SVEP1: variants seen among roughly 807,000 people sequenced by gnomAD.
SVEP1 encodes sushi, von Willebrand factor type A, EGF and pentraxin domain containing 1.
SVEP1 carries 164 observed loss-of-function variants against 367.3 expected under a neutral mutation model. That is an observed-to-expected ratio of 0.45 (90% confidence interval 0.39 to 0.51). SVEP1 has a LOEUF of 0.51. Among genes scored for constraint, SVEP1 ranks in the 20% least tolerant of loss-of-function variants. The pLI, the probability that SVEP1 is intolerant of heterozygous loss-of-function variation, is 0.00. For missense variants in SVEP1, 4,117 were observed against 4,425.3 expected (o/e 0.93, Z 1.98); for synonymous variants, 1,666 against 1,611.6 (o/e 1.03, Z -0.81).
chr9:110,462,732 A>T (rs1038511883), intron 18 of SVEP1, among the ~76,000 whole-genome samples: 5 of 151,788 alleles, frequency 3.3e-5, no homozygotes, highest in African/African-American at 1.2e-4. Context: ...AGACAGAGAG[A>T]GAGAGAGAAA....
At chr9:110,369,613 A>G (rs1275901638) in intron 47 of SVEP1, 1 of 219,200 alleles carries the variant, frequency 4.6e-6, no homozygotes, top group Admixed American at 5.7e-5. Context: ...ATGCTTCACA[A>G]ATTTGTGTGT....
At chr9:110,543,062 T>C (rs1830173130) in intron 3 of SVEP1, among the ~76,000 whole-genome samples, 1 of 151,676 alleles carries the variant, frequency 6.6e-6, no homozygotes, top group South Asian at 2.1e-4. Context: ...CTAAGATTTC[T>C]TTCTGCCTTT....
intron 39 of SVEP1, among the ~76,000 whole-genome samples, chr9:110,403,971 C>T (rs1827912390): frequency 6.6e-6 from 1 of 151,722 alleles, no homozygotes; most frequent in African/African-American, 2.4e-5. Context: ...TATCTGTCTG[C>T]TTCTGCAAAC....
intron 2 of SVEP1, among the ~76,000 whole-genome samples, chr9:110,548,436 T>G (rs1390246280): frequency 6.6e-6 from 1 of 152,196 alleles, no homozygotes; most frequent in Non-Finnish European, 1.5e-5. Flanking sequence ...CATCCCTTTA[T>G]ATGTATTAAC....
Position 110,435,278 on chromosome 9 carries a change from C to T in SVEP1, c.4851G>A (p.Gly1617=). 6.2e-7 allele frequency: 1 copy of T among 1,613,472 alleles called. No individual in the cohort carries two copies. The highest frequency in any genetic ancestry group is 8.5e-7 in the Non-Finnish European group (1 of 1,179,504). ...TGCTCTTAGAATCGATCTTCACTTT[C>T]CCCACAATTCCTGACAAGAAATCAG... The part of the protein sequence containing the change: ...AWPDFLSGIV[G]KVKIDSKSIF... The change falls in exon 29 of 48, where the codon GGG becomes GGA. Residue 1617 remains glycine (G), a synonymous_variant. Coordinates refer to ENST00000374469, the MANE Select transcript of SVEP1 (RefSeq NM_153366.4).
intron 47 of SVEP1, 132 bp downstream of exon 47, chr9:110,369,791 C>CA (rs2118934635): frequency 1.4e-6 from 1 of 701,938 alleles, no homozygotes; most frequent in South Asian, 2.2e-5. Flanking sequence ...GAGCCTGTCT[C>CA]AAAATGGATG....
intron 32 of SVEP1, among the ~76,000 whole-genome samples, chr9:110,431,529 A>G (rs1828348968): frequency 6.6e-6 from 1 of 152,214 alleles, no homozygotes; most frequent in Non-Finnish European, 1.5e-5. Flanking sequence ...ATATAATTTT[A>G]TGTGACTGAG....
At chr9:110,368,673 A>G (rs1189090622) in intron 47 of SVEP1, among the ~76,000 whole-genome samples, 4 of 152,096 alleles carry the variant, frequency 2.6e-5, no homozygotes, top group Non-Finnish European at 5.9e-5. Flanking sequence ...TTTTTGAGTC[A>G]CTGTTTTTTC....
chr9:110,399,742 C>T (rs1827827353), intron 40 of SVEP1, among the ~76,000 whole-genome samples: 1 of 152,088 alleles, frequency 6.6e-6, no homozygotes, highest in Admixed American at 6.6e-5. Flanking sequence ...CTATGTTGCC[C>T]AGCCTGGTCT....
rs762787283 is a variant in SVEP1 at position 110,451,316 on chromosome 9, G to A, written c.3874C>T (p.Arg1292Cys). ...GICVDGVAGY[R>C]CTCVKGFVGL... ...ACAAATCCTTTCACACATGTGCAAC[G>A]ATAGCCAGCCACACCATCAACACAG... is the stretch of plus-strand genomic sequence containing the variant. The change falls in exon 23 of 48, where the codon CGT becomes TGT. Residue 1292 changes from arginine (R) to cysteine (C), a missense_variant. By Grantham distance (180) the Arg-to-Cys change is radical. Coordinates refer to ENST00000374469, the MANE Select transcript of SVEP1 (RefSeq NM_153366.4). 13 of 1,613,552 alleles carry A rather than the reference G, an allele frequency of 8.1e-6. No homozygotes were observed. The highest frequency in any genetic ancestry group is 2.7e-5 in the African/African-American group (2 of 74,870).
chr9:110,398,412 C>G (rs1827803583), intron 40 of SVEP1, among the ~76,000 whole-genome samples: 1 of 152,134 alleles, frequency 6.6e-6, no homozygotes, highest in Non-Finnish European at 1.5e-5. Flanking sequence ...TTAGGCAATA[C>G]CATTCAGGAC....
In SVEP1 at chr9:110,407,314, C is replaced by G. The variant is rs776676322; in HGVS notation, c.8286G>C (p.Lys2762Asn). The part of the protein sequence containing the change: ...SDLRLCLENR[K>N]WSGASPRCEA... ...CACAGCGTGGGGAGGCACCACTCCA[C>G]TTTCTATTCTCTAGACAAAGCCTTA... Residue 2762 changes from lysine to asparagine, a missense_variant, in exon 38 of 48, where the codon AAG becomes AAC. Lys to Asn is a moderately conservative substitution (Grantham distance 94, BLOSUM62 0). This residue lies in a region of SVEP1 where 1,765 missense variants were observed against 1,781.1 expected (regional missense o/e 0.99). Transcript: ENST00000374469. 3.2e-5 allele frequency: 52 copies of G among 1,613,888 alleles called. 1 individual carries two copies. The South Asian group carries it at 5.7e-4, about 18-fold the overall frequency.
chr9:110,458,262 C>G, intron 20 of SVEP1: 1 of 616,184 alleles, frequency 1.6e-6, no homozygotes, highest in East Asian at 2.9e-5. Context: ...GGGAAAAACT[C>G]TCATTTTTGG....
chr9:110,379,841 G>C (rs1827407712), intron 43 of SVEP1, among the ~76,000 whole-genome samples: 1 of 152,152 alleles, frequency 6.6e-6, no homozygotes, highest in South Asian at 2.1e-4. Context: ...TTCAAAACAG[G>C]ATGCTTATTA....
intron 40 of SVEP1, among the ~76,000 whole-genome samples, chr9:110,398,246 A>T (rs756601275): frequency 2.0e-5 from 3 of 152,182 alleles, no homozygotes; most frequent in African/African-American, 7.2e-5. Flanking sequence ...TGGGGAAAGG[A>T]TTCCCTATTT....
chr9:110,383,904 C>G (rs73655333), intron 43 of SVEP1, among the ~76,000 whole-genome samples: 5 of 151,972 alleles, frequency 3.3e-5, no homozygotes, highest in African/African-American at 1.2e-4. Flanking sequence ...AGCTGCTGTG[C>G]TGCACTATGG....
intron 17 of SVEP1, among the ~76,000 whole-genome samples, chr9:110,466,692 C>T (rs866344308): frequency 2.3e-5 from 3 of 128,024 alleles, no homozygotes; most frequent in Non-Finnish European, 3.2e-5. Flanking sequence ...ACCCGGGAGG[C>T]GGAGCTTGCA....
intron 5 of SVEP1, among the ~76,000 whole-genome samples, chr9:110,511,488 CTTTTTTTT>C (rs199993986): frequency 7.2e-3 from 552 of 76,784 alleles, no homozygotes; most frequent in Non-Finnish European, 0.01. Flanking sequence ...GTGTCAGTAC[CTTTTTTTT>C]TTTTTTTTTT....
chr9:110,502,694 G>A (rs2118753739), intron 6 of SVEP1, among the ~76,000 whole-genome samples: 1 of 152,186 alleles, frequency 6.6e-6, no homozygotes, highest in Non-Finnish European at 1.5e-5. Flanking sequence ...TAAGGTAAAT[G>A]TAAAACATGT....
Sources: allele counts gnomAD v4.1 joint callset (sites outside exome capture counted in the v4.1 genomes callset), GRCh38; gene constraint gnomAD v4.1.1; regional missense constraint gnomAD v4.1.1; transcripts MANE v1.5; gene names NCBI Gene and HGNC (gene_info 2026-07-23, HGNC 2026-07-21).